The following METTL16 variants were observed in gnomAD, a reference collection of about 807,000 sequenced individuals.
The protein encoded by METTL16 is RNA N(6)-adenosine-methyltransferase METTL16.
In METTL16, 19 loss-of-function variants were observed where a neutral mutation model predicts 57.9. The ratio of observed to expected loss-of-function variants is 0.33; its 90% CI spans 0.23 to 0.48. The LOEUF (loss-of-function observed/expected upper bound fraction) is 0.48, where lower values mean the gene tolerates loss of function less well. METTL16 is among the 20% of genes least tolerant of loss of function. The pLI is 0.99. For missense variants in METTL16, 434 were observed against 691.5 expected, an observed-to-expected ratio of 0.63 and a Z score of 4.18; for synonymous variants, 246 against 255.6, an observed-to-expected ratio of 0.96 and a Z score of 0.36.
chr17:2,442,664 C>T (rs1486367711), intron 6 of METTL16, among the ~76,000 whole-genome samples: 1 of 151,936 alleles, frequency 6.6e-6, no homozygotes, highest in Non-Finnish European at 1.5e-5. Flanking sequence ...GTCCCACAGA[C>T]CCTATAGGTA....
intron 6 of METTL16, among the ~76,000 whole-genome samples, chr17:2,451,405 G>T (rs936825614): frequency 2.0e-5 from 3 of 152,184 alleles, no homozygotes; most frequent in South Asian, 4.2e-4. Flanking sequence ...GATCACTTGG[G>T]GTCAGGAGTT....
At chr17:2,499,879 G>T (rs2067475015) in intron 2 of METTL16, among the ~76,000 whole-genome samples, 1 of 151,984 alleles carries the variant, frequency 6.6e-6, no homozygotes, top group African/African-American at 2.4e-5. Context: ...TCAGTCTCCT[G>T]AGTAGCTGTG....
chr17:2,496,439 C>G (rs7212209), intron 2 of METTL16, among the ~76,000 whole-genome samples: 7 of 151,502 alleles, frequency 4.6e-5, no homozygotes, highest in Non-Finnish European at 1.0e-4. Context: ...GCTGGGATTA[C>G]AGACGTGCAC....
intron 7 of METTL16, among the ~76,000 whole-genome samples, chr17:2,438,746 G>A (rs547196350): frequency 2.6e-5 from 4 of 152,124 alleles, no homozygotes; most frequent in Admixed American, 6.5e-5. Context: ...CGCCCACCTC[G>A]GCCTCCCAAA....
intron 2 of METTL16, among the ~76,000 whole-genome samples, chr17:2,487,419 C>T (rs2067351850): frequency 6.6e-6 from 1 of 152,170 alleles, no homozygotes; most frequent in African/African-American, 2.4e-5. Flanking sequence ...AGCTGCGGCG[C>T]AAGCTTTGAA....
intron 2 of METTL16, among the ~76,000 whole-genome samples, chr17:2,494,794 T>C (rs957210237): frequency 6.6e-6 from 1 of 151,680 alleles, no homozygotes; most frequent in Non-Finnish European, 1.5e-5. Context: ...GGTCAGGAGA[T>C]CGAGACCATC....
intron 6 of METTL16, among the ~76,000 whole-genome samples, chr17:2,459,406 T>C (rs890189540): frequency 1.2e-4 from 18 of 152,350 alleles, no homozygotes; most frequent in South Asian, 1.0e-3. Flanking sequence ...TGTTAACTGC[T>C]GCTGAGCATG....
chr17:2,465,736 T>G (rs1388757792), intron 5 of METTL16, among the ~76,000 whole-genome samples: 1 of 149,266 alleles, frequency 6.7e-6, no homozygotes, highest in East Asian at 2.0e-4. Context: ...CGCGGTGGTG[T>G]CCACCAGGAG....
At chr17:2,484,588 G>A (rs1410393680) in intron 2 of METTL16, among the ~76,000 whole-genome samples, 1 of 151,600 alleles carries the variant, frequency 6.6e-6, no homozygotes, top group Non-Finnish European at 1.5e-5. Context: ...TCCACCTCCC[G>A]GCTTCAGGCG....
chr17:2,472,590 G>T (rs2151567425), intron 4 of METTL16, among the ~76,000 whole-genome samples: 1 of 151,736 alleles, frequency 6.6e-6, no homozygotes, highest in South Asian at 2.1e-4. Context: ...CCAGATAATG[G>T]AATATCAAAA....
chr17:2,473,042 T>C (rs1597460553), intron 4 of METTL16, among the ~76,000 whole-genome samples: 1 of 152,002 alleles, frequency 6.6e-6, no homozygotes, highest in East Asian at 1.9e-4. Context: ...GTAACAAATA[T>C]CCCACTCTGT....
intron 2 of METTL16, among the ~76,000 whole-genome samples, chr17:2,498,915 G>A (rs1305522205): frequency 1.3e-5 from 2 of 151,474 alleles, no homozygotes; most frequent in Non-Finnish European, 2.9e-5. Context: ...CCCCAGCCAC[G>A]CTTCACTTCT....
intron 1 of METTL16, among the ~76,000 whole-genome samples, chr17:2,505,641 C>T (rs1329626162): frequency 6.6e-6 from 1 of 151,984 alleles, no homozygotes; most frequent in Non-Finnish European, 1.5e-5. Context: ...ATCCTCCCAC[C>T]TCGGGCTCCC....
intron 8 of METTL16, among the ~76,000 whole-genome samples, chr17:2,432,463 G>C (rs992114607): frequency 1.3e-5 from 2 of 152,118 alleles, no homozygotes; most frequent in Non-Finnish European, 2.9e-5. Context: ...CAGCTACTAG[G>C]GAGGCTGACA....
intron 2 of METTL16, among the ~76,000 whole-genome samples, chr17:2,493,714 G>C (rs2067419074): frequency 1.5e-5 from 1 of 65,820 alleles, no homozygotes; most frequent in Non-Finnish European, 3.9e-5. Flanking sequence ...GTGAGACTCT[G>C]TCTCAAAAAA....
At chr17:2,454,425 A>G (rs1189811491) in intron 6 of METTL16, among the ~76,000 whole-genome samples, 1 of 152,098 alleles carries the variant, frequency 6.6e-6, no homozygotes, top group African/African-American at 2.4e-5. Context: ...CCCAATGTCC[A>G]CCTGATCTCA....
intron 2 of METTL16, among the ~76,000 whole-genome samples, chr17:2,499,042 G>C (rs2067467685): frequency 6.6e-6 from 1 of 151,456 alleles, no homozygotes; most frequent in Non-Finnish European, 1.5e-5. Context: ...GACCATTTCG[G>C]TTTCAAATCA....
chr17:2,468,109 T>C (rs1182208220), intron 4 of METTL16, among the ~76,000 whole-genome samples: 2 of 152,250 alleles, frequency 1.3e-5, no homozygotes, highest in South Asian at 2.1e-4. Flanking sequence ...GTTCAGGTTA[T>C]AGCCTAGGAG....
chr17:2,489,732 C>CAAAAAAAAA (rs61506042), intron 2 of METTL16, among the ~76,000 whole-genome samples: 941 of 60,314 alleles, frequency 0.016, 304 homozygotes, highest in African/African-American at 0.059. Flanking sequence ...GAGCGAGACT[C>CAAAAAAAAA]AAAAAAAAAA....
Sources: allele counts gnomAD v4.1 joint callset (sites outside exome capture counted in the v4.1 genomes callset), GRCh38; gene constraint gnomAD v4.1.1; transcripts MANE v1.5; gene names NCBI Gene and HGNC (gene_info 2026-07-23, HGNC 2026-07-21).